The following HOMER1 variants were observed in gnomAD, a reference collection of about 807,000 sequenced individuals.
The protein encoded by HOMER1 is homer protein homolog 1.
Under a neutral mutation model 48.9 loss-of-function variants are expected in HOMER1, and 3 were observed. That is an observed-to-expected ratio of 0.06 (90% CI 0.03 to 0.16). HOMER1 has a LOEUF of 0.16. HOMER1 is among the 10% of genes least tolerant of loss of function. The probability of loss-of-function intolerance (pLI) is 1.00; values close to 1 mark genes in which losing one functional copy is unlikely to be tolerated. For synonymous variants in HOMER1, 134 were observed against 146.4 expected (o/e 0.92, Z 0.61); for missense variants, 247 against 411.4 (o/e 0.60, Z 3.46).
At position 79,409,359 on chromosome 5, in the gene HOMER1, G is replaced by A. The variant is rs538324119; in HGVS notation, c.528-7304C>T. Among the ~76,000 whole-genome samples, 11 of 151,598 alleles carry A rather than the reference G, an allele frequency of 7.3e-5. No individual in the cohort carries two copies. In the East Asian group the frequency reaches 2.1e-3, roughly 30 times the overall value. On this transcript the variant is annotated intron_variant, in intron 5 of 8. Coordinates refer to ENST00000334082, the MANE Select transcript of HOMER1 (RefSeq NM_004272.5). ...AGACAGGAAAACCACTTGAACCGGG[G>A]AGGCGGAGGTTGTGGTGAGCCAAGA... is the stretch of plus-strand genomic sequence containing the variant.
intron 5 of HOMER1, among the ~76,000 whole-genome samples, chr5:79,424,539 T>C (rs963118365): frequency 1.3e-5 from 2 of 152,002 alleles, no homozygotes; most frequent in South Asian, 2.1e-4. Context: ...CAAAAACTTA[T>C]GATTATAGAA....
At chr5:79,378,573 C>T (rs528030672) in intron 8 of HOMER1, among the ~76,000 whole-genome samples, 137 of 152,204 alleles carry the variant, frequency 9.0e-4, no homozygotes, top group African/African-American at 3.3e-3. Flanking sequence ...TGAGGGAGGA[C>T]ACAGATCCTG....
chr5:79,467,391 C>CAAAAAAAA (rs71767032), intron 1 of HOMER1, among the ~76,000 whole-genome samples: 5 of 51,624 alleles, frequency 9.7e-5, no homozygotes, highest in Admixed American at 2.4e-4. Flanking sequence ...AACTCCATCT[C>CAAAAAAAA]AAAAAAAAAA....
intron 1 of HOMER1, among the ~76,000 whole-genome samples, chr5:79,487,331 A>G (rs987881506): frequency 2.0e-5 from 3 of 152,216 alleles, no homozygotes; most frequent in South Asian, 2.1e-4. Context: ...GATCAAGCTA[A>G]TAACACTGAA....
At chr5:79,502,914 C>A (rs1230485467) in intron 1 of HOMER1, among the ~76,000 whole-genome samples, 2 of 152,140 alleles carry the variant, frequency 1.3e-5, no homozygotes, top group Non-Finnish European at 1.5e-5. Flanking sequence ...CCTCAGCCTC[C>A]CGAGTAGCTG....
chr5:79,462,310 C>T (rs888347397), intron 1 of HOMER1, among the ~76,000 whole-genome samples: 8 of 152,196 alleles, frequency 5.3e-5, no homozygotes, highest in Non-Finnish European at 8.8e-5. Context: ...GTAATTCAAA[C>T]TACTTTACTG....
chr5:79,396,265 T>G (rs1749380451), intron 8 of HOMER1, among the ~76,000 whole-genome samples: 1 of 151,698 alleles, frequency 6.6e-6, no homozygotes, highest in Non-Finnish European at 1.5e-5. Context: ...GGCACAACTA[T>G]TGGTATAATT....
chr5:79,375,923 T>TG lies in HOMER1; in HGVS notation c.*85dup, dbSNP rs397882470. 1.7e-6 allele frequency: 1 copy of TG among 577,618 alleles called. No homozygotes were observed. The allele number at this position is 577,618 out of a possible 1,614,324, so 35.8% of individuals were successfully genotyped here. On this transcript the variant is annotated 3_prime_UTR_variant, in exon 9 of 9. Coordinates refer to ENST00000334082, the MANE Select transcript of HOMER1 (RefSeq NM_004272.5). ...TATTCAATTTTTTTTTTTTTTTTTT[T>TG]GTGCAATCTTGATGCAGAGCCTAAA...
intron 1 of HOMER1, among the ~76,000 whole-genome samples, chr5:79,472,005 T>G (rs999938931): frequency 6.6e-6 from 1 of 152,196 alleles, no homozygotes; most frequent in Non-Finnish European, 1.5e-5. Context: ...TCCCTTTATT[T>G]CTTTTATTCT....
At chr5:79,481,885 T>C (rs1264161656) in intron 1 of HOMER1, among the ~76,000 whole-genome samples, 7 of 152,142 alleles carry the variant, frequency 4.6e-5, no homozygotes, top group Non-Finnish European at 1.0e-4. Context: ...CTGTTTCCAA[T>C]CAACTTCACT....
At position 79,374,215 on chromosome 5, in the gene HOMER1, A is replaced by G. The variant is rs1354913547; in HGVS notation, c.*1794T>C. The G allele has an allele frequency of 1.3e-5, 2 of 152,428 alleles. No homozygotes were observed. Among genetic ancestry groups the G allele is most frequent in the Non-Finnish European group, 2.9e-5 (2 of 67,868 alleles). The allele number at this position is 152,428 out of a possible 1,614,324, so 9.4% of individuals were successfully genotyped here. A position where few individuals can be genotyped will look rare whatever the true frequency, so the allele number is the denominator to read the frequency against. ...TTATCAGAGAAATATCTCAGCTCTGAGCATGTGTATCTAAATTATTCTCCC... is the reference window on the plus strand; with the variant it reads ...TTATCAGAGAAATATCTCAGCTCTGGGCATGTGTATCTAAATTATTCTCCC... On this transcript the variant is annotated 3_prime_UTR_variant, in exon 9 of 9. Coordinates refer to ENST00000334082, the MANE Select transcript of HOMER1 (RefSeq NM_004272.5).
At chr5:79,433,865 T>C (rs1750493272) in intron 5 of HOMER1, among the ~76,000 whole-genome samples, 2 of 152,196 alleles carry the variant, frequency 1.3e-5, no homozygotes, top group African/African-American at 2.4e-5. Flanking sequence ...GCAAGACTAA[T>C]ATGCTAGAAA....
At chr5:79,491,075 C>CAAAAAAAAAAAAAAAAAAAAAA (rs10527802) in intron 1 of HOMER1, among the ~76,000 whole-genome samples, 1 of 37,252 alleles carries the variant, frequency 2.7e-5, no homozygotes, top group Admixed American at 3.8e-4. Context: ...AGTACCAAAG[C>CAAAAAAAAAAAAAAAAAAAAAA]AAAAAAAAAA....
intron 1 of HOMER1, among the ~76,000 whole-genome samples, chr5:79,508,038 T>A (rs896329475): frequency 6.6e-6 from 1 of 152,214 alleles, no homozygotes; most frequent in African/African-American, 2.4e-5. Flanking sequence ...ACTGTCCACT[T>A]CCTCTACCCA....
intron 8 of HOMER1, among the ~76,000 whole-genome samples, chr5:79,380,305 G>A (rs578217355): frequency 1.6e-4 from 24 of 152,288 alleles, no homozygotes; most frequent in African/African-American, 5.1e-4. Flanking sequence ...CACACAACCC[G>A]AGACCTAAGC....
intron 4 of HOMER1, among the ~76,000 whole-genome samples, chr5:79,440,902 C>T (rs896969550): frequency 3.9e-5 from 6 of 152,142 alleles, no homozygotes; most frequent in South Asian, 2.1e-4. Flanking sequence ...TGGTGCCTCA[C>T]GCCTGTAATC....
At chr5:79,487,674 T>A (rs1752149554) in intron 1 of HOMER1, among the ~76,000 whole-genome samples, 1 of 152,162 alleles carries the variant, frequency 6.6e-6, no homozygotes, top group African/African-American at 2.4e-5. Flanking sequence ...CAACCAAATA[T>A]AATGTGTGGA....
intron 5 of HOMER1, among the ~76,000 whole-genome samples, chr5:79,433,716 A>T (rs1246497022): frequency 6.6e-6 from 1 of 152,200 alleles, no homozygotes; most frequent in Non-Finnish European, 1.5e-5. Context: ...ATTTCCAGTG[A>T]AATTTAGTTT....
intron 5 of HOMER1, among the ~76,000 whole-genome samples, chr5:79,435,150 TCTTG>T (rs1003972783): frequency 3.3e-5 from 5 of 152,172 alleles, no homozygotes; most frequent in African/African-American, 4.8e-5. Flanking sequence ...ATGTTTTAAA[TCTTG>T]CTTATTTCTC....
Sources: gnomAD v4.1 joint callset for allele counts (sites outside exome capture counted in the v4.1 genomes callset) on GRCh38, gnomAD v4.1.1 for gene constraint, MANE v1.5 for transcripts, NCBI Gene and HGNC (gene_info 2026-07-23, HGNC 2026-07-21) for gene names.